Variants in TMEM67 observed in about 807,000 individuals in gnomAD.
TMEM67 encodes transmembrane protein 67, also known as meckelin.
In TMEM67, 124 loss-of-function variants were observed where a neutral mutation model predicts 136.6. That is an observed-to-expected ratio of 0.91 (90% CI 0.78 to 1.05). TMEM67 has a LOEUF of 1.05. Ranked by LOEUF, TMEM67 falls within the 50% of genes least tolerant of loss-of-function variation. The pLI, the probability that TMEM67 is intolerant of heterozygous loss-of-function variation, is 0.00. For synonymous variants in TMEM67, 364 were observed against 390.5 expected, an observed-to-expected ratio of 0.93 and a Z score of 0.80; for missense variants, 1,107 against 1,178.4, an observed-to-expected ratio of 0.94 and a Z score of 0.89.
chr8:93,783,493 C>T (rs918020329), intron 11 of TMEM67, among the ~76,000 whole-genome samples: 1 of 152,172 alleles, frequency 6.6e-6, no homozygotes, highest in African/African-American at 2.4e-5. Flanking sequence ...TTCTTCCATT[C>T]TTTTCTTTCT....
At chr8:93,815,786 C>CA (rs549548901) in intron 27 of TMEM67, among the ~76,000 whole-genome samples, 5 of 152,006 alleles carry the variant, frequency 3.3e-5, no homozygotes, top group Admixed American at 6.5e-5. Context: ...CGTTAAGTAA[C>CA]AAAAAAACAA....
chr8:93,790,714 T>G (rs1190810222), intron 14 of TMEM67, among the ~76,000 whole-genome samples: 1 of 152,214 alleles, frequency 6.6e-6, no homozygotes, highest in Non-Finnish European at 1.5e-5. Flanking sequence ...TTGACATTTA[T>G]ACAACATTTG....
chr8:93,827,269 A>G, the TMEM67 span, among the ~76,000 whole-genome samples: 1 of 152,276 alleles, frequency 6.6e-6, no homozygotes, highest in African/African-American at 2.4e-5. Context: ...GACCCATAGT[A>G]TGAATTATGC....
chr8:93,813,672 G>C (rs915715263), intron 26 of TMEM67, among the ~76,000 whole-genome samples: 5 of 152,218 alleles, frequency 3.3e-5, no homozygotes, highest in Non-Finnish European at 7.3e-5. Context: ...GGAGGATCAG[G>C]TTTTGAGGGA....
the TMEM67 span, among the ~76,000 whole-genome samples, chr8:93,825,370 A>G: frequency 6.6e-6 from 1 of 152,234 alleles, no homozygotes; most frequent in Non-Finnish European, 1.5e-5. Flanking sequence ...TGTTAATGTA[A>G]TTTAAGGCCA....
the TMEM67 span, among the ~76,000 whole-genome samples, chr8:93,826,245 T>C: frequency 7.0e-6 from 1 of 142,170 alleles, no homozygotes; most frequent in East Asian, 2.4e-4. Flanking sequence ...TTCTCCTGCC[T>C]CAGCCTCCCA....
chr8:93,768,959 A>G (rs1437129094), intron 6 of TMEM67, among the ~76,000 whole-genome samples: 2 of 152,004 alleles, frequency 1.3e-5, no homozygotes, highest in East Asian at 3.9e-4. Context: ...AATTAAAAAT[A>G]ATAAAACTAA....
At chr8:93,808,507 A>ATATTT (rs1808546357) in intron 23 of TMEM67, among the ~76,000 whole-genome samples, 2 of 10,392 alleles carry the variant, frequency 1.9e-4, no homozygotes, top group African/African-American at 3.7e-4. Flanking sequence ...ATTATAGATG[A>ATATTT]ATATATATAT....
intron 15 of TMEM67, 150 bp from the exon 16 acceptor site, chr8:93,793,048 G>A: frequency 4.2e-6 from 3 of 710,476 alleles, no homozygotes; most frequent in Non-Finnish European, 7.5e-6. Flanking sequence ...TGGGATTACA[G>A]GTGTGAGCCA....
At chr8:93,787,201 T>A (rs1389771267) in intron 13 of TMEM67, among the ~76,000 whole-genome samples, 1 of 152,172 alleles carries the variant, frequency 6.6e-6, no homozygotes, top group Non-Finnish European at 1.5e-5. Flanking sequence ...TGCATCGAAT[T>A]TGGCAAAATG....
At chr8:93,830,705 C>A in the TMEM67 span, among the ~76,000 whole-genome samples, 1 of 152,216 alleles carries the variant, frequency 6.6e-6, no homozygotes, top group African/African-American at 2.4e-5. Context: ...CACACTTAGA[C>A]CCTCCCTCTG....
chr8:93,764,073 T>G (rs1047225482), intron 4 of TMEM67, 132 bp downstream of exon 4: 8 of 713,240 alleles, frequency 1.1e-5, no homozygotes, highest in Non-Finnish European at 1.7e-5. Context: ...AAGTAGACAT[T>G]AACAGATACA....
In TMEM67 at chr8:93,778,507, C is replaced by G. The variant is rs374434875; in HGVS notation, c.715-2086C>G. 1.4e-4 allele frequency among the ~76,000 whole-genome samples: 22 copies of G among 152,234 alleles called. 2 individuals carry two copies. Among genetic ancestry groups the G allele is most frequent in the Admixed American group, 1.2e-3 (19 of 15,286 alleles). On this transcript the variant is annotated intron_variant, in intron 7 of 27. Transcript: ENST00000453321. ...GTGGCTGGTACTGGTTGTTCCTTCC[C>G]ATGTTTAGTGCTTCCTTCAGGAGCT...
chr8:93,782,570 G>GT, intron 11 of TMEM67, 110 bp downstream of exon 11: 15 of 661,572 alleles, frequency 2.3e-5, no homozygotes, highest in Non-Finnish European at 2.9e-5. Context: ...TTTTATTCTT[G>GT]GTTTTTTTTT....
rs141947735 is a variant in TMEM67, at chr8:93,772,038, C to CTG, written c.652-549_652-548dup. Among the ~76,000 whole-genome samples the CTG allele has an allele frequency of 6.7e-3, 1,023 of 152,280 alleles. 10 individuals carry two copies. The highest frequency in any genetic ancestry group is 0.031 in the Middle Eastern group (9 of 294). ...TGTTTTTTAGCCAGAGGTTTGTTAT[C>CTG]TGTAGCCTTCAAAACCGATGTAATT... On this transcript the variant is annotated intron_variant, in intron 6 of 27. Transcript: ENST00000453321.
intron 11 of TMEM67, among the ~76,000 whole-genome samples, 197 bp from the exon 12 acceptor site, chr8:93,785,025 A>C (rs1455628968): frequency 1.3e-5 from 2 of 152,232 alleles, no homozygotes; most frequent in Non-Finnish European, 2.9e-5. Context: ...AAATAATCAT[A>C]GTATTCATGT....
chr8:93,758,449 A>G (rs754699837), intron 2 of TMEM67, 34 bp from the exon 3 acceptor site: 30 of 1,539,976 alleles, frequency 1.9e-5, no homozygotes, highest in Non-Finnish European at 2.7e-5. Context: ...AGTTAATTAA[A>G]AAAGAGAAAA....
chr8:93,821,501 C>G (rs1233116491), downstream of TMEM67, among the ~76,000 whole-genome samples: 7 of 152,150 alleles, frequency 4.6e-5, no homozygotes, highest in Non-Finnish European at 7.4e-5. Flanking sequence ...AGGCTGGACT[C>G]AGAGACTCCT....
At chr8:93,804,004 A>T (rs1056056724) in intron 22 of TMEM67, among the ~76,000 whole-genome samples, 2 of 151,192 alleles carry the variant, frequency 1.3e-5, no homozygotes, top group Non-Finnish European at 2.9e-5. Context: ...CCTCCTGAGT[A>T]GCTGGGATTA....
Sources: allele counts gnomAD v4.1 joint callset (sites outside exome capture counted in the v4.1 genomes callset), GRCh38; gene constraint gnomAD v4.1.1; transcripts MANE v1.5; gene names NCBI Gene and HGNC (gene_info 2026-07-23, HGNC 2026-07-21).